Variants in CNTN4 observed in about 807,000 individuals in gnomAD.
The protein encoded by CNTN4 is contactin-4.
CNTN4 carries 77 observed loss-of-function variants against 122.5 expected under a neutral mutation model. The ratio of observed to expected loss-of-function variants is 0.63; its 90% CI spans 0.52 to 0.76. CNTN4 has a LOEUF of 0.76. Among genes scored for constraint, CNTN4 ranks in the 30% least tolerant of loss-of-function variants. CNTN4 has a pLI of 0.00. For missense variants in CNTN4, 1,256 were observed against 1,259.1 expected, an observed-to-expected ratio of 1.00 and a Z score of 0.04; for synonymous variants, 512 against 447.0, an observed-to-expected ratio of 1.15 and a Z score of -1.83.
chr3:2,906,580 G>A (rs1577224955), intron 12 of CNTN4, among the ~76,000 whole-genome samples: 1 of 152,230 alleles, frequency 6.6e-6, no homozygotes. Context: ...GCTCACAGCT[G>A]TAATCCCAGC....
intron 3 of CNTN4, among the ~76,000 whole-genome samples, chr3:2,555,193 G>A (rs560182597): frequency 2.4e-4 from 36 of 152,166 alleles, no homozygotes; most frequent in Middle Eastern, 3.4e-3. Context: ...AGTCAACTTC[G>A]TGAGTCACTT....
chr3:2,666,443 C>T (rs953383585), intron 4 of CNTN4, among the ~76,000 whole-genome samples: 38 of 152,176 alleles, frequency 2.5e-4, no homozygotes, highest in African/African-American at 7.9e-4. Flanking sequence ...ATTTTCCTTT[C>T]TAGATCATAG....
At chr3:2,684,844 A>G (rs2085349009) in intron 4 of CNTN4, among the ~76,000 whole-genome samples, 1 of 152,194 alleles carries the variant, frequency 6.6e-6, no homozygotes, top group South Asian at 2.1e-4. Flanking sequence ...GATTAAAATG[A>G]TAAAAGGAAT....
chr3:2,685,096 T>G (rs148563291), intron 4 of CNTN4, among the ~76,000 whole-genome samples: 3 of 152,308 alleles, frequency 2.0e-5, no homozygotes, highest in African/African-American at 7.2e-5. Context: ...ATCAGTAATA[T>G]TTATCTGTCA....
At chr3:2,171,483 CTTTATT>C (rs1394665175) in intron 2 of CNTN4, among the ~76,000 whole-genome samples, 13 of 152,194 alleles carry the variant, frequency 8.5e-5, no homozygotes, top group East Asian at 3.9e-4. Context: ...AGATTTTTAA[CTTTATT>C]TTTATATATT....
intron 2 of CNTN4, among the ~76,000 whole-genome samples, chr3:2,308,192 T>C (rs537218155): frequency 5.8e-4 from 88 of 152,234 alleles, no homozygotes; most frequent in Non-Finnish European, 1.1e-3. Context: ...GATAACGTAG[T>C]GGTTTATAGT....
rs150287759 is a variant in CNTN4, at chr3:2,434,785, C to T, written c.-89+95552C>T. ...CTCAAAGACCTATCATCCATTTCTT[C>T]CACGAAGGCAATATTGAATATATTT... On this transcript the variant is annotated intron_variant, in intron 3 of 24. Coordinates refer to ENST00000418658, the MANE Select transcript of CNTN4 (RefSeq NM_175607.3). 5.9e-3 allele frequency among the ~76,000 whole-genome samples: 902 copies of T among 152,136 alleles called. 3 individuals are homozygous for T. Among genetic ancestry groups the T allele is most frequent in the Non-Finnish European group, 9.9e-3 (672 of 67,980 alleles).
At chr3:2,708,850 G>A (rs921399111) in intron 4 of CNTN4, among the ~76,000 whole-genome samples, 2 of 152,092 alleles carry the variant, frequency 1.3e-5, no homozygotes, top group African/African-American at 4.8e-5. Context: ...CAGTTTTTAT[G>A]TTGAAGATAA....
At chr3:2,697,451 T>G (rs2086102396) in intron 4 of CNTN4, among the ~76,000 whole-genome samples, 1 of 152,206 alleles carries the variant, frequency 6.6e-6, no homozygotes, top group South Asian at 2.1e-4. Flanking sequence ...CTCAAACTTG[T>G]GCTGAATCTA....
intron 2 of CNTN4, among the ~76,000 whole-genome samples, chr3:2,173,892 C>T (rs1013323567): frequency 2.6e-5 from 4 of 151,986 alleles, no homozygotes; most frequent in East Asian, 3.9e-4. Flanking sequence ...AAAACAGAAT[C>T]GGAAAAATAA....
chr3:3,024,109 A>C (rs1008429272), intron 14 of CNTN4, among the ~76,000 whole-genome samples: 2 of 152,220 alleles, frequency 1.3e-5, no homozygotes, highest in African/African-American at 4.8e-5. Flanking sequence ...ATGTAAACAC[A>C]ATCCATGCTT....
intron 7 of CNTN4, among the ~76,000 whole-genome samples, chr3:2,836,088 A>G (rs1426688792): frequency 6.6e-6 from 1 of 152,034 alleles, no homozygotes; most frequent in Non-Finnish European, 1.5e-5. Flanking sequence ...ACTACAGACA[A>G]CTCTATGATC....
intron 3 of CNTN4, among the ~76,000 whole-genome samples, chr3:2,492,849 T>G (rs2076355054): frequency 6.6e-6 from 1 of 152,210 alleles, no homozygotes; most frequent in South Asian, 2.1e-4. Context: ...TGTGATAGTT[T>G]ATAGTTCAAA....
chr3:2,428,958 C>G (rs1191873469), intron 3 of CNTN4, among the ~76,000 whole-genome samples: 1 of 152,150 alleles, frequency 6.6e-6, no homozygotes, highest in Non-Finnish European at 1.5e-5. Context: ...GCTGTTGATT[C>G]TAGTTAGCCA....
At chr3:2,748,237 T>C (rs185368762) in intron 6 of CNTN4, among the ~76,000 whole-genome samples, 1 of 152,358 alleles carries the variant, frequency 6.6e-6, no homozygotes, top group Admixed American at 6.5e-5. Context: ...ATTGCAACTT[T>C]ATTTTAAACA....
At chr3:3,046,468 A>G (rs1011229944) in intron 23 of CNTN4, among the ~76,000 whole-genome samples, 13 of 152,236 alleles carry the variant, frequency 8.5e-5, no homozygotes, top group African/African-American at 3.1e-4. Flanking sequence ...AGTGGGGGCC[A>G]ATATTCAACA....
chr3:2,870,145 A>G (rs1305959161), intron 8 of CNTN4, among the ~76,000 whole-genome samples: 2 of 152,240 alleles, frequency 1.3e-5, no homozygotes, highest in African/African-American at 4.8e-5. Context: ...ATTCAGGAAC[A>G]CAAGCACTCC....
At chr3:3,026,453 T>C (rs1433735111) in intron 15 of CNTN4, among the ~76,000 whole-genome samples, 176 bp downstream of exon 15, 1 of 152,172 alleles carries the variant, frequency 6.6e-6, no homozygotes, top group Non-Finnish European at 1.5e-5. Context: ...CAACTCTATA[T>C]GGCAGGACTG....
chr3:2,583,958 G>T (rs1290820771), intron 4 of CNTN4, among the ~76,000 whole-genome samples: 1 of 152,136 alleles, frequency 6.6e-6, no homozygotes, highest in African/African-American at 2.4e-5. Flanking sequence ...TACTGCCTTG[G>T]TACAGCCCAC....
Sources: gnomAD v4.1 joint callset for allele counts (sites outside exome capture counted in the v4.1 genomes callset) on GRCh38, gnomAD v4.1.1 for gene constraint, MANE v1.5 for transcripts, NCBI Gene and HGNC (gene_info 2026-07-23, HGNC 2026-07-21) for gene names.